NRG1: variants seen among roughly 807,000 people sequenced by gnomAD.
NRG1 encodes the protein pro-neuregulin-1, membrane-bound isoform.
Under a neutral mutation model 63.8 loss-of-function variants are expected in NRG1, and 18 were observed. That is an observed-to-expected ratio of 0.28 (90% CI 0.19 to 0.42). The LOEUF is 0.42. Ranked by LOEUF, NRG1 falls within the 10% of genes least tolerant of loss-of-function variation. NRG1 has a pLI of 1.00. For synonymous variants in NRG1, 302 were observed against 301.3 expected (o/e 1.00, Z -0.02); for missense variants, 762 against 814.7 (o/e 0.94, Z 0.79).
intron 1 of NRG1, among the ~76,000 whole-genome samples, chr8:32,459,537 T>G (rs1290102565): frequency 6.6e-6 from 1 of 151,652 alleles, no homozygotes; most frequent in East Asian, 1.9e-4. Flanking sequence ...TCCAGGAGGC[T>G]GAGGTGGGAG....
chr8:32,577,061 G>A (rs1306079177), intron 1 of NRG1, among the ~76,000 whole-genome samples: 1 of 152,084 alleles, frequency 6.6e-6, no homozygotes, highest in Non-Finnish European at 1.5e-5. Flanking sequence ...TTATAAGTGA[G>A]AGCATGGAGT....
intron 5 of NRG1, among the ~76,000 whole-genome samples, chr8:32,677,200 A>C (rs918426883): frequency 6.6e-6 from 1 of 152,178 alleles, no homozygotes; most frequent in Non-Finnish European, 1.5e-5. Context: ...GAAATTTATT[A>C]GTAAATATTT....
chr8:32,595,917 T>C, exon 2 of NRG1: 1 of 1,613,794 alleles, frequency 6.2e-7, no homozygotes, highest in Non-Finnish European at 8.5e-7. Context: ...TTCTGAATAC[T>C]CCTCTCTCAG....
chr8:32,573,747 A>C (rs1839085053), intron 1 of NRG1, among the ~76,000 whole-genome samples: 1 of 151,828 alleles, frequency 6.6e-6, no homozygotes, highest in African/African-American at 2.4e-5. Context: ...GGTGTGCTGC[A>C]CCCATTAACT....
intron 1 of NRG1, among the ~76,000 whole-genome samples, chr8:31,912,336 G>A (rs552804581): frequency 1.1e-4 from 16 of 152,142 alleles, no homozygotes; most frequent in African/African-American, 3.1e-4. Flanking sequence ...GGACTTGGTG[G>A]GTAGCCAGAA....
chr8:32,377,981 C>T (rs55853657), intron 1 of NRG1, among the ~76,000 whole-genome samples: 9,289 of 152,176 alleles, frequency 0.061, 353 homozygotes, highest in Middle Eastern at 0.088. Flanking sequence ...TTGAAATGAG[C>T]ACTCTGAATA....
intron 1 of NRG1, among the ~76,000 whole-genome samples, chr8:32,085,082 C>T (rs2131197750): frequency 6.6e-6 from 1 of 152,282 alleles, no homozygotes; most frequent in East Asian, 1.9e-4. Flanking sequence ...AAACCCCTTG[C>T]CCTTAGTTTG....
intron 1 of NRG1, among the ~76,000 whole-genome samples, chr8:32,415,365 CAAA>C (rs5890647): frequency 8.7e-5 from 10 of 115,322 alleles, no homozygotes; most frequent in Admixed American, 9.1e-5. Flanking sequence ...GACTCTGTCT[CAAA>C]AAAAAAAAAA....
chr8:32,384,469 G>C (rs2129483536), intron 1 of NRG1, among the ~76,000 whole-genome samples: 1 of 152,324 alleles, frequency 6.6e-6, no homozygotes, highest in South Asian at 2.1e-4. Context: ...AGTTTGGTCT[G>C]TAACTTTGTC....
Position 32,528,180 on chromosome 8 carries a change from C to T in NRG1, c.38-67648C>T, listed in dbSNP as rs189425069. On this transcript the variant is annotated intron_variant, in intron 1 of 10. Transcript: ENST00000519301. ...CACTCTGTGTAAAATAGCCAAGCCT[C>T]CGTTATTCACTATCTTCTTTTGCTC... 3.3e-5 allele frequency among the ~76,000 whole-genome samples: 5 copies of T among 152,338 alleles called. No homozygotes were observed. The East Asian group carries it at 9.6e-4, about 29-fold the overall frequency.
chr8:32,267,383 T>C (rs977458742), intron 1 of NRG1, among the ~76,000 whole-genome samples: 1 of 152,220 alleles, frequency 6.6e-6, no homozygotes, highest in Non-Finnish European at 1.5e-5. Context: ...ATAAGGCAGT[T>C]GGCACAAGTC....
intron 1 of NRG1, among the ~76,000 whole-genome samples, chr8:32,563,399 G>A (rs890361162): frequency 2.0e-5 from 3 of 152,208 alleles, no homozygotes; most frequent in African/African-American, 4.8e-5. Flanking sequence ...ATTTATCTTA[G>A]TGAACACCTA....
intron 1 of NRG1, among the ~76,000 whole-genome samples, chr8:31,651,088 A>T (rs1344420146): frequency 6.6e-6 from 1 of 152,194 alleles, no homozygotes; most frequent in Non-Finnish European, 1.5e-5. Flanking sequence ...TCAGGAGAAC[A>T]CATGTGGGAA....
At chr8:32,705,977 T>A (rs988772407) in intron 5 of NRG1, among the ~76,000 whole-genome samples, 2 of 152,216 alleles carry the variant, frequency 1.3e-5, no homozygotes, top group African/African-American at 2.4e-5. Context: ...TTAAAAATTG[T>A]GGCCATATTT....
intron 1 of NRG1, among the ~76,000 whole-genome samples, chr8:32,314,588 A>ACACATGGACATTATT (rs1857174850): frequency 6.6e-6 from 1 of 152,200 alleles, no homozygotes; most frequent in South Asian, 2.1e-4. Flanking sequence ...CACTGGTAGA[A>ACACATGGACATTATT]CATTATTCAT....
intron 1 of NRG1, among the ~76,000 whole-genome samples, chr8:32,240,744 A>AT (rs974217381): frequency 3.9e-5 from 6 of 152,182 alleles, no homozygotes; most frequent in East Asian, 3.9e-4. Flanking sequence ...TGTCCTATAC[A>AT]TTTTTTTAGA....
chr8:31,737,178 T>C (rs1814763619), intron 1 of NRG1, among the ~76,000 whole-genome samples: 1 of 152,108 alleles, frequency 6.6e-6, no homozygotes, highest in South Asian at 2.1e-4. Context: ...TGGTGTGAGA[T>C]AAAGAATTTG....
At chr8:31,761,280 C>T (rs1817525139) in intron 1 of NRG1, among the ~76,000 whole-genome samples, 2 of 151,922 alleles carry the variant, frequency 1.3e-5, no homozygotes, top group Admixed American at 6.6e-5. Flanking sequence ...GGAAGGGGAA[C>T]ATCACACTCT....
chr8:32,686,524 G>T (rs1301047096), intron 5 of NRG1, among the ~76,000 whole-genome samples: 1 of 152,188 alleles, frequency 6.6e-6, no homozygotes, highest in Non-Finnish European at 1.5e-5. Context: ...TCATGTGTCA[G>T]CCCTGGGTTT....
Sources: gnomAD v4.1 joint callset for allele counts (sites outside exome capture counted in the v4.1 genomes callset) on GRCh38, gnomAD v4.1.1 for gene constraint, MANE v1.5 for transcripts, NCBI Gene and HGNC (gene_info 2026-07-23, HGNC 2026-07-21) for gene names.